NDUFAF7: variants seen among roughly 807,000 people sequenced by gnomAD.
NDUFAF7 encodes protein arginine methyltransferase NDUFAF7, mitochondrial.
In NDUFAF7, 48 loss-of-function variants were observed where a neutral mutation model predicts 47.2. The observed-to-expected ratio is 1.02, with a 90% CI of 0.81 to 1.29. NDUFAF7 has a LOEUF of 1.29. NDUFAF7 is among the 50% of genes most tolerant of loss of function. The pLI, the probability that NDUFAF7 is intolerant of heterozygous loss-of-function variation, is 0.00. For missense variants in NDUFAF7, 635 were observed against 537.6 expected, an observed-to-expected ratio of 1.18 and a Z score of -1.79; for synonymous variants, 217 against 190.0, an observed-to-expected ratio of 1.14 and a Z score of -1.17.
At chr2:37,237,632 A>G in intron 3 of NDUFAF7, 125 bp from the exon 4 acceptor site, 1 of 706,664 alleles carries the variant, frequency 1.4e-6, no homozygotes, top group Non-Finnish European at 2.5e-6. Context: ...ATTGAACAAC[A>G]TACATATGGC....
chr2:37,251,087 AGATT>A (rs1317033518), downstream of NDUFAF7: 1 of 152,650 alleles, frequency 6.6e-6, no homozygotes, highest in Non-Finnish European at 1.5e-5. Context: ...AAACCACAGT[AGATT>A]GATTGCCTAG....
At chr2:37,260,171 A>C in the NDUFAF7 span, 1 of 1,512,164 alleles carries the variant, frequency 6.6e-7, no homozygotes, top group Non-Finnish European at 9.0e-7. Context: ...TCTTAAAAAA[A>C]AAAAAATTAG....
downstream of NDUFAF7, chr2:37,252,739 C>A (rs751222064): frequency 6.6e-6 from 1 of 151,456 alleles, no homozygotes; most frequent in African/African-American, 2.4e-5. Flanking sequence ...ACAAGCCTGT[C>A]GAGTAATCAA....
the NDUFAF7 span, chr2:37,260,139 A>C: frequency 7.9e-7 from 1 of 1,266,800 alleles, no homozygotes; most frequent in Non-Finnish European, 1.1e-6. Context: ...ACTCCAGCCC[A>C]GGTGACAGAG....
chr2:37,231,697 A>AATTTCAGC lies in NDUFAF7; in HGVS notation c.-6_2dup. The AATTTCAGC allele has an allele frequency of 6.2e-7, 1 of 1,614,220 alleles. No individual in the cohort carries two copies. Among genetic ancestry groups the AATTTCAGC allele is most frequent in the Non-Finnish European group, 8.5e-7 (1 of 1,180,026 alleles). ...TCCTGGCGGAGCGAGCTAGCCTGCG[A>AATTTCAGC]ATTTCAGCATGAGTGTACTGCTGAG... On this transcript the variant is annotated 5_prime_UTR_variant, in exon 1 of 10. Transcript: ENST00000002125.
rs1666878323 is a variant in NDUFAF7, at chr2:37,246,167, A to G, written c.908A>G (p.His303Arg). 3 of 1,613,800 alleles carry G rather than the reference A, an allele frequency of 1.9e-6. No individual in the cohort carries two copies. Among genetic ancestry groups the G allele is most frequent in the African/African-American group, 1.3e-5 (1 of 74,912 alleles). Residue 303 changes from histidine (H) to arginine (R), a missense_variant, in exon 8 of 10, where the codon CAT becomes CGT. His to Arg is a conservative substitution (Grantham distance 29, BLOSUM62 0). Coordinates refer to ENST00000002125, the MANE Select transcript of NDUFAF7 (RefSeq NM_144736.5). ...GGAALVADYG[H>R]DGTKTDTFRG... ...GCTGCACTGGTTGCTGATTATGGTC[A>G]TGATGGAACAAAGACAGATACCTTC...
In NDUFAF7 at chr2:37,241,811, T is replaced by C; in HGVS notation, c.622+20T>C. 3 of 1,603,702 alleles carry C rather than the reference T, an allele frequency of 1.9e-6. No individual in the cohort carries two copies. The highest frequency in any genetic ancestry group is 2.6e-6 in the Non-Finnish European group (3 of 1,173,262). On this transcript the variant is annotated intron_variant, in intron 5 of 9. Transcript: ENST00000002125. Reference sequence around the variant, plus strand: ...CAAAAGGTAATTACCTTTATGTGGATTAATGAAAGAATTTTGATCACAACC... The same window carrying C: ...CAAAAGGTAATTACCTTTATGTGGACTAATGAAAGAATTTTGATCACAACC...
At chr2:37,261,436 G>A in the NDUFAF7 span, among the ~76,000 whole-genome samples, 3,355 of 150,930 alleles carry the variant, frequency 0.022, 54 homozygotes, top group Middle Eastern at 0.034. Flanking sequence ...GCAGTGAGCC[G>A]AGATCATGCC....
chr2:37,251,550 C>G (rs990297008), downstream of NDUFAF7: 1 of 152,218 alleles, frequency 6.6e-6, no homozygotes, highest in African/African-American at 2.4e-5. Flanking sequence ...TATTTTTAGT[C>G]TAGACAGGAG....
At chr2:37,269,254 T>C in the NDUFAF7 span, 2 of 219,832 alleles carry the variant, frequency 9.1e-6, no homozygotes, top group Non-Finnish European at 1.9e-5. Context: ...AGACAAATGG[T>C]GCCATTTGTG....
chr2:37,242,541 T>C, intron 5 of NDUFAF7, 94 bp from the exon 6 acceptor site: 2 of 938,316 alleles, frequency 2.1e-6, no homozygotes, highest in South Asian at 2.9e-5. Flanking sequence ...GTGATGATTA[T>C]GGAGGAAGTA....
At chr2:37,262,958 T>A in the NDUFAF7 span, among the ~76,000 whole-genome samples, 1 of 151,152 alleles carries the variant, frequency 6.6e-6, no homozygotes, top group Non-Finnish European at 1.5e-5. Flanking sequence ...TTGCTTAGGA[T>A]GGCCATTTTA....
the NDUFAF7 span, among the ~76,000 whole-genome samples, chr2:37,267,063 G>A: frequency 8.7e-4 from 133 of 152,120 alleles, no homozygotes; most frequent in South Asian, 1.5e-3. Flanking sequence ...AATGAAATAA[G>A]TGCTGTTAAA....
At chr2:37,249,232 TC>T (rs1667259630), downstream of NDUFAF7, 1 of 152,190 alleles carries the variant, frequency 6.6e-6, no homozygotes, top group African/African-American at 2.4e-5. Flanking sequence ...TGCACAATTT[TC>T]CCAATTTGGA....
chr2:37,259,274 G>T, the NDUFAF7 span, among the ~76,000 whole-genome samples: 1 of 152,108 alleles, frequency 6.6e-6, no homozygotes, highest in African/African-American at 2.4e-5. Flanking sequence ...TATTTATGAG[G>T]TATTTATCCT....
At chr2:37,256,669 A>G, downstream of NDUFAF7, 1 of 1,259,740 alleles carries the variant, frequency 7.9e-7, no homozygotes, top group Non-Finnish European at 1.1e-6. Flanking sequence ...TACCTTCACC[A>G]GAAATTTCTC....
the NDUFAF7 span, among the ~76,000 whole-genome samples, chr2:37,261,914 G>GT: frequency 4.6e-5 from 7 of 151,624 alleles, no homozygotes; most frequent in East Asian, 2.0e-4. Context: ...CAACCATTCC[G>GT]TTTTTTTGAG....
chr2:37,246,944 ATGGG>A, intron 8 of NDUFAF7, among the ~76,000 whole-genome samples: 2 of 152,006 alleles, frequency 1.3e-5, no homozygotes, highest in Non-Finnish European at 2.9e-5. Flanking sequence ...TATTTGTTAC[ATGGG>A]TATATTGCAT....
intron 7 of NDUFAF7, among the ~76,000 whole-genome samples, chr2:37,244,180 G>A (rs993003620): frequency 6.6e-6 from 1 of 152,146 alleles, no homozygotes; most frequent in African/African-American, 2.4e-5. Flanking sequence ...TGACCTTAAC[G>A]TCATGTAGTA....
Sources: allele counts gnomAD v4.1 joint callset (sites outside exome capture counted in the v4.1 genomes callset), GRCh38; gene constraint gnomAD v4.1.1; transcripts MANE v1.5; gene names NCBI Gene and HGNC (gene_info 2026-07-23, HGNC 2026-07-21).